GNAQ: variants seen among roughly 807,000 people sequenced by gnomAD.
The protein encoded by GNAQ is guanine nucleotide-binding protein G(q) subunit alpha.
A neutral mutation model predicts 43.9 loss-of-function variants in GNAQ; 8 were observed. The ratio of observed to expected loss-of-function variants is 0.18; its 90% confidence interval spans 0.11 to 0.33. GNAQ has a LOEUF of 0.33. GNAQ is among the 10% of genes least tolerant of loss of function. GNAQ has a pLI of 1.00. For missense variants in GNAQ, 158 were observed against 450.8 expected (o/e 0.35, Z 5.88); for synonymous variants, 155 against 170.7 (o/e 0.91, Z 0.71).
At chr9:77,726,299 T>C (rs150759617) in intron 6 of GNAQ, among the ~76,000 whole-genome samples, 185 of 152,298 alleles carry the variant, frequency 1.2e-3, no homozygotes, top group African/African-American at 4.2e-3. Flanking sequence ...GAAAATGTAC[T>C]TGAAGAGAGG....
At chr9:78,004,729 G>C (rs1485369491) in intron 1 of GNAQ, among the ~76,000 whole-genome samples, 1 of 152,072 alleles carries the variant, frequency 6.6e-6, no homozygotes, top group African/African-American at 2.4e-5. Context: ...TTGACCACTA[G>C]AGGGATCAGA....
chr9:77,915,307 C>T (rs1218446376), intron 2 of GNAQ, among the ~76,000 whole-genome samples: 5 of 76,412 alleles, frequency 6.5e-5, no homozygotes, highest in African/African-American at 1.7e-4. Flanking sequence ...AATCTGGTCA[C>T]ATTGTTTGTT....
At chr9:78,030,210 G>A (rs539952428) in intron 1 of GNAQ, among the ~76,000 whole-genome samples, 20 of 152,220 alleles carry the variant, frequency 1.3e-4, no homozygotes, top group Non-Finnish European at 2.6e-4. Flanking sequence ...GACTGCACTG[G>A]TTTTCGGTAG....
At chr9:77,733,836 T>C (rs1167998923) in intron 5 of GNAQ, among the ~76,000 whole-genome samples, 2 of 152,170 alleles carry the variant, frequency 1.3e-5, no homozygotes, top group African/African-American at 4.8e-5. Context: ...TGCTGTGCAG[T>C]AGATCAGGGA....
chr9:77,850,120 T>C (rs943264842), intron 2 of GNAQ, among the ~76,000 whole-genome samples: 1 of 152,274 alleles, frequency 6.6e-6, no homozygotes, highest in Non-Finnish European at 1.5e-5. Context: ...CTTCACCTGA[T>C]GGCCGCAGGC....
chr9:77,991,611 T>G (rs1026348674), intron 1 of GNAQ, among the ~76,000 whole-genome samples: 1 of 152,184 alleles, frequency 6.6e-6, no homozygotes, highest in Non-Finnish European at 1.5e-5. Context: ...CAGATGGTTT[T>G]TGGTGATGTA....
intron 5 of GNAQ, among the ~76,000 whole-genome samples, chr9:77,758,180 T>G (rs1825934050): frequency 6.6e-6 from 1 of 152,256 alleles, no homozygotes; most frequent in Non-Finnish European, 1.5e-5. Context: ...CAAAGACATT[T>G]GTCTTACATT....
intron 1 of GNAQ, among the ~76,000 whole-genome samples, chr9:77,969,517 T>C (rs1021922023): frequency 3.3e-5 from 5 of 152,200 alleles, no homozygotes; most frequent in African/African-American, 7.2e-5. Flanking sequence ...TCATAAAATG[T>C]AGATGATGGA....
At chr9:77,843,906 G>A (rs887711423) in intron 2 of GNAQ, among the ~76,000 whole-genome samples, 7 of 152,092 alleles carry the variant, frequency 4.6e-5, no homozygotes, top group Non-Finnish European at 1.0e-4. Context: ...GTGGCTCAGA[G>A]GGTTGTGTCT....
intron 1 of GNAQ, among the ~76,000 whole-genome samples, chr9:78,009,158 T>C (rs982618131): frequency 1.1e-4 from 16 of 152,188 alleles, no homozygotes; most frequent in African/African-American, 3.9e-4. Flanking sequence ...GAAATTAATA[T>C]TCACAGAAAA....
At chr9:77,904,578 C>T (rs989699860) in intron 2 of GNAQ, among the ~76,000 whole-genome samples, 9 of 151,856 alleles carry the variant, frequency 5.9e-5, no homozygotes, top group East Asian at 1.9e-4. Flanking sequence ...ATGATCTGCC[C>T]GCCTCGGCCT....
chr9:77,876,297 C>T (rs1828122552), intron 2 of GNAQ, among the ~76,000 whole-genome samples: 1 of 152,172 alleles, frequency 6.6e-6, no homozygotes, highest in Non-Finnish European at 1.5e-5. Context: ...TTCCTTTGAC[C>T]AGCTGATGGA....
chr9:78,003,085 T>C (rs1248932581), intron 1 of GNAQ, among the ~76,000 whole-genome samples: 1 of 152,192 alleles, frequency 6.6e-6, no homozygotes, highest in Non-Finnish European at 1.5e-5. Context: ...GCTTTGATAA[T>C]GTAGAGGAAA....
chr9:77,832,523 TA>T (rs1296269214), intron 2 of GNAQ, among the ~76,000 whole-genome samples: 5 of 152,176 alleles, frequency 3.3e-5, no homozygotes, highest in Non-Finnish European at 7.3e-5. Flanking sequence ...ACAGCATCCA[TA>T]AAGTTAACAT....
chr9:77,956,935 G>A (rs1823048141), intron 1 of GNAQ, among the ~76,000 whole-genome samples: 1 of 152,178 alleles, frequency 6.6e-6, no homozygotes, highest in Admixed American at 6.6e-5. Flanking sequence ...GTGTCTAGGT[G>A]ATCCTGATGG....
chr9:77,963,488 C>T (rs1823130226), intron 1 of GNAQ, among the ~76,000 whole-genome samples: 1 of 152,062 alleles, frequency 6.6e-6, no homozygotes, highest in East Asian at 1.9e-4. Flanking sequence ...TGAAGCATTT[C>T]TTTGAAGAAC....
At chr9:77,799,960 T>C (rs1344857310) in intron 3 of GNAQ, among the ~76,000 whole-genome samples, 1 of 152,134 alleles carries the variant, frequency 6.6e-6, no homozygotes, top group Non-Finnish European at 1.5e-5. Context: ...AACGTAAAAA[T>C]GGACTAGACC....
At chr9:77,782,648 T>C (rs1313026853) in intron 5 of GNAQ, among the ~76,000 whole-genome samples, 1 of 152,236 alleles carries the variant, frequency 6.6e-6, no homozygotes, top group Non-Finnish European at 1.5e-5. Flanking sequence ...TGCTCCTTGG[T>C]ATTTAACCAA....
intron 5 of GNAQ, among the ~76,000 whole-genome samples, chr9:77,761,963 C>CTCT (rs1826038084): frequency 1.5e-5 from 2 of 133,876 alleles, no homozygotes; most frequent in African/African-American, 5.6e-5. Context: ...GTCAGCCCCC[C>CTCT]GCCCGGCCAG....
Sources: allele counts gnomAD v4.1 joint callset (sites outside exome capture counted in the v4.1 genomes callset), GRCh38; gene constraint gnomAD v4.1.1; transcripts MANE v1.5; gene names NCBI Gene and HGNC (gene_info 2026-07-23, HGNC 2026-07-21).